Variants in CRYBG3 observed in about 807,000 individuals in gnomAD.
CRYBG3 encodes the protein crystallin beta-gamma domain containing 3.
A neutral mutation model predicts 244.2 loss-of-function variants in CRYBG3; 127 were observed. That is an observed-to-expected ratio of 0.52 (90% CI 0.45 to 0.60). The LOEUF (loss-of-function observed/expected upper bound fraction) is 0.60. Ranked by LOEUF, CRYBG3 falls within the 20% of genes least tolerant of loss-of-function variation. CRYBG3 has a pLI of 0.00. For missense variants in CRYBG3, 3,325 were observed against 3,442.5 expected, an observed-to-expected ratio of 0.97 and a Z score of 0.85; for synonymous variants, 1,132 against 1,195.8, an observed-to-expected ratio of 0.95 and a Z score of 1.10.
Position 97,911,220 on chromosome 3 carries a change from C to T in CRYBG3, c.8005-947C>T, listed in dbSNP as rs144077157. 5.9e-5 allele frequency among the ~76,000 whole-genome samples: 9 copies of T among 152,298 alleles called. 1 individual carries two copies. Among genetic ancestry groups the T allele is most frequent in the African/African-American group, 2.2e-4 (9 of 41,570 alleles). On this transcript the variant is annotated intron_variant, in intron 15 of 21. Transcript: ENST00000389622. The stretch of plus-strand genomic sequence containing the variant: ...CATTAGCTGCTCAGAAAAGCCTTAT[C>T]CTCGATGACAGCATGAGCAGATGGT...
At chr3:97,920,779 C>T (rs1253954193) in intron 17 of CRYBG3, among the ~76,000 whole-genome samples, 5 of 152,202 alleles carry the variant, frequency 3.3e-5, no homozygotes, top group Admixed American at 3.3e-4. Context: ...ATCTGCCTGC[C>T]TCATCCTCCC....
At chr3:97,930,845 A>C (rs1227920126) in intron 17 of CRYBG3, among the ~76,000 whole-genome samples, 2 of 152,068 alleles carry the variant, frequency 1.3e-5, no homozygotes, top group Non-Finnish European at 2.9e-5. Context: ...CATAACGTAA[A>C]GAGAAATTTA....
At position 97,862,560 on chromosome 3, in the gene CRYBG3, A is replaced by G. The variant is rs532819501; in HGVS notation, c.217-1657A>G. Among the ~76,000 whole-genome samples the G allele has an allele frequency of 7.2e-5, 11 of 152,308 alleles. No homozygotes were observed. In the East Asian group the frequency reaches 7.7e-4, roughly 11 times the overall value. ...AAACCAAATTGTTAACAAAAAATGT[A>G]TATCTTTCATATAAATGACCATTTT... On this transcript the variant is annotated intron_variant, in intron 2 of 21. Transcript: ENST00000389622.
rs2039403813 is a variant in CRYBG3 at position 97,878,056 on chromosome 3, TG to T, written c.6843+20del. 6.4e-7 allele frequency: 1 copy of T among 1,566,052 alleles called. No homozygotes were observed. The highest frequency in any genetic ancestry group is 1.4e-5 in the African/African-American group (1 of 72,606). ...TATAGAGGTAAGTTATTTTGTTTAT[TG>T]TATTAATAATAGTTATTAAAGCTTT... On this transcript the variant is annotated intron_variant, in intron 4 of 21. Transcript: ENST00000389622.
intron 3 of CRYBG3, among the ~76,000 whole-genome samples, chr3:97,867,566 G>T (rs576290863): frequency 6.6e-6 from 1 of 152,266 alleles, no homozygotes; most frequent in South Asian, 2.1e-4. Flanking sequence ...GAGTAATTAT[G>T]TATTGGGCTA....
chr3:97,904,880 C>T (rs2039750132), intron 15 of CRYBG3, among the ~76,000 whole-genome samples: 2 of 142,230 alleles, frequency 1.4e-5, no homozygotes, highest in South Asian at 4.7e-4. Context: ...CAATGCTATC[C>T]CTCCACCCTC....
intron 17 of CRYBG3, 114 bp downstream of exon 17, chr3:97,915,850 G>T: frequency 1.2e-6 from 1 of 826,584 alleles, no homozygotes; most frequent in African/African-American, 1.7e-5. Flanking sequence ...ATAAAAATCT[G>T]AAAAATATGA....
intron 12 of CRYBG3, among the ~76,000 whole-genome samples, chr3:97,897,615 A>C (rs2039654407): frequency 1.3e-5 from 2 of 151,798 alleles, no homozygotes; most frequent in East Asian, 3.9e-4. Context: ...TTTGTTAAAA[A>C]CTCTTAATTA....
At chr3:97,841,540 G>A (rs770978434) in intron 1 of CRYBG3, among the ~76,000 whole-genome samples, 7 of 151,910 alleles carry the variant, frequency 4.6e-5, no homozygotes, top group Admixed American at 1.3e-4. Flanking sequence ...GATACTGTGC[G>A]TAATAACATA....
intron 2 of CRYBG3, among the ~76,000 whole-genome samples, chr3:97,850,811 AC>A (rs1435067866): frequency 1.3e-5 from 2 of 152,162 alleles, no homozygotes; most frequent in African/African-American, 4.8e-5. Context: ...TAATCAGACA[AC>A]CCACCACGAT....
rs533946286 is a variant in CRYBG3 at position 97,835,965 on chromosome 3, G to A, written c.150-7230G>A. Among the ~76,000 whole-genome samples the A allele has an allele frequency of 6.6e-5, 10 of 152,186 alleles. 1 individual carries two copies. Among genetic ancestry groups the A allele is most frequent in the African/African-American group, 2.2e-4 (9 of 41,542 alleles). On this transcript the variant is annotated intron_variant, in intron 1 of 21. Transcript: ENST00000389622. ...GGTGGACGGAGAACTTGGGGAGAAT[G>A]GAACAGTCATTCACAACACATGTAC...
At chr3:97,940,849 T>A (rs1010705097) in intron 19 of CRYBG3, among the ~76,000 whole-genome samples, 1 of 151,896 alleles carries the variant, frequency 6.6e-6, no homozygotes, top group African/African-American at 2.4e-5. Context: ...ATCAAGTCCC[T>A]AATTCTTTAC....
chr3:97,861,275 A>G (rs2039143892), intron 2 of CRYBG3, among the ~76,000 whole-genome samples: 2 of 152,096 alleles, frequency 1.3e-5, no homozygotes, highest in South Asian at 4.1e-4. Context: ...ATTAAGCTCA[A>G]ATGTTATCTT....
intron 17 of CRYBG3, 22 bp from the exon 18 acceptor site, chr3:97,933,672 C>T (rs778948037): frequency 6.3e-5 from 101 of 1,611,536 alleles, no homozygotes; most frequent in Non-Finnish European, 7.9e-5. Flanking sequence ...CCTATGGTGA[C>T]GCTTTCTTTT....
intron 3 of CRYBG3, among the ~76,000 whole-genome samples, chr3:97,869,652 C>T (rs2039278276): frequency 6.6e-6 from 1 of 152,114 alleles, no homozygotes; most frequent in Non-Finnish European, 1.5e-5. Context: ...GACTTTGTTT[C>T]ATAACAGTCC....
chr3:97,926,939 A>T (rs1262047967), intron 17 of CRYBG3, among the ~76,000 whole-genome samples: 1 of 151,852 alleles, frequency 6.6e-6, no homozygotes, highest in Non-Finnish European at 1.5e-5. Flanking sequence ...AAAGGGAAAC[A>T]CTCCATGCTC....
chr3:97,822,091 C>T lies in CRYBG3; in HGVS notation c.-116C>T, dbSNP rs938929815. ...GAGAGACTGAGCCGCGCTGGCAGCT[C>T]GCGTCGAGTCGGTCTGCCCTAGCCG... On this transcript the variant is annotated 5_prime_UTR_variant, in exon 1 of 22. Coordinates refer to ENST00000389622, the MANE Select transcript of CRYBG3 (RefSeq NM_153605.4). The T allele has an allele frequency of 2.4e-6, 2 of 836,960 alleles. No individual in the cohort carries two copies. The highest frequency in any genetic ancestry group is 4.0e-4 in the Middle Eastern group (1 of 2,492). The allele number at this position is 836,960 out of a possible 1,614,324, so 51.8% of individuals were successfully genotyped here.
Position 97,874,097 on chromosome 3 carries a change from A to C in CRYBG3, c.2903A>C (p.His968Pro), listed in dbSNP as rs1349952550. ...QNCEAHTCVF[H>P]QSLDICGTKK... ...TGTGAAGCTCACACTTGTGTGTTTC[A>C]TCAATCTTTGGATATTTGTGGGACT... Residue 968 changes from histidine (H) to proline (P), a missense_variant, in exon 4 of 22, where the codon CAT becomes CCT. This residue lies in a region of CRYBG3 where 1,526 missense variants were observed against 1,443.2 expected (regional missense o/e 1.06). Transcript: ENST00000389622. The C allele has an allele frequency of 6.5e-7, 1 of 1,535,762 alleles. No individual in the cohort carries two copies. Among genetic ancestry groups the C allele is most frequent in the Non-Finnish European group, 8.7e-7 (1 of 1,146,804 alleles).
At chr3:97,909,981 C>T (rs2039845139) in intron 15 of CRYBG3, among the ~76,000 whole-genome samples, 1 of 151,278 alleles carries the variant, frequency 6.6e-6, no homozygotes, top group Non-Finnish European at 1.5e-5. Context: ...GGACCCTCAG[C>T]TGCAGGTCTG....
Sources: allele counts gnomAD v4.1 joint callset (sites outside exome capture counted in the v4.1 genomes callset), GRCh38; gene constraint gnomAD v4.1.1; regional missense constraint gnomAD v4.1.1; transcripts MANE v1.5; gene names NCBI Gene and HGNC (gene_info 2026-07-23, HGNC 2026-07-21).